The following SRGAP2 variants were observed in gnomAD, a reference collection of about 807,000 sequenced individuals.
SRGAP2 encodes the protein SLIT-ROBO Rho GTPase-activating protein 2.
Under a neutral mutation model 57.2 loss-of-function variants are expected in SRGAP2, and 15 were observed. The ratio of observed to expected loss-of-function variants is 0.26; its 90% CI spans 0.18 to 0.40. The LOEUF is 0.40. Ranked by LOEUF, SRGAP2 falls within the 10% of genes least tolerant of loss-of-function variation. The pLI is 1.00. For missense variants in SRGAP2, 520 were observed against 669.6 expected (o/e 0.78, Z 2.47); for synonymous variants, 249 against 248.0 (o/e 1.00, Z -0.04).
At position 206,464,132 on chromosome 1, in the gene SRGAP2, C is replaced by T. The variant is rs1243213843; in HGVS notation, c.*2712C>T. The T allele has an allele frequency of 3.3e-5, 5 of 152,592 alleles. No individual in the cohort carries two copies. Among genetic ancestry groups the T allele is most frequent in the Admixed American group, 6.5e-5 (1 of 15,280 alleles). 9.5% of individuals were successfully genotyped at this position (152,592 alleles called of 1,614,324 possible). ...ACCTCCTCAGGGCGCCCTGGCTTCT[C>T]CCCAAGGAGATGAGGAGCGGTGATG... On this transcript the variant is annotated 3_prime_UTR_variant, in exon 23 of 23. Coordinates refer to ENST00000573034, the MANE Select transcript of SRGAP2 (RefSeq NM_015326.5).
At chr1:206,233,459 C>T (rs1414444330) in intron 2 of SRGAP2, among the ~76,000 whole-genome samples, 3 of 151,044 alleles carry the variant, frequency 2.0e-5, no homozygotes, top group African/African-American at 4.9e-5. Context: ...GTGGACTAGG[C>T]GACCTCTAGA....
chr1:206,402,087 A>G (rs1658243121), intron 8 of SRGAP2, among the ~76,000 whole-genome samples: 2 of 151,852 alleles, frequency 1.3e-5, no homozygotes, highest in South Asian at 4.2e-4. Flanking sequence ...GCCACATCCT[A>G]GAGGCTTTAG....
intron 3 of SRGAP2, among the ~76,000 whole-genome samples, chr1:206,340,074 G>A (rs1553334747): frequency 1.3e-5 from 2 of 151,688 alleles, no homozygotes. Context: ...GCAGGTGTGA[G>A]CCACACCTTA....
In SRGAP2 at chr1:206,454,015, A is replaced by C. The variant is rs868934247; in HGVS notation, c.2360+635A>C. ...CTGTTGGTTGATTCTCACACTTTGA[A>C]GCAGTTGTCCCGTGGGCCCACCCAA... On this transcript the variant is annotated intron_variant, in intron 20 of 22. Coordinates refer to ENST00000573034, the MANE Select transcript of SRGAP2 (RefSeq NM_015326.5). The surrounding 1 kb of genome is among the most constrained non-coding windows in gnomAD (Gnocchi z 4.3). 20 of 662,102 alleles carry C rather than the reference A, an allele frequency of 3.0e-5. No homozygotes were observed. Among genetic ancestry groups the C allele is most frequent in the African/African-American group, 2.7e-4 (15 of 56,196 alleles). The allele number at this position is 662,102 out of a possible 1,614,324, so 41.0% of individuals were successfully genotyped here. A position where few individuals can be genotyped will look rare whatever the true frequency, so the allele number is the denominator to read the frequency against.
intron 2 of SRGAP2, among the ~76,000 whole-genome samples, chr1:206,268,422 A>G (rs1670009745): frequency 6.6e-6 from 1 of 151,030 alleles, no homozygotes; most frequent in South Asian, 2.1e-4. Context: ...ATCCTTTTTT[A>G]TGGCTGTATA....
chr1:206,412,313 A>G (rs1290210252), intron 10 of SRGAP2, among the ~76,000 whole-genome samples: 2 of 152,268 alleles, frequency 1.3e-5, no homozygotes, highest in Admixed American at 6.5e-5. Context: ...CAAAATGCCC[A>G]ATAGACTCTT....
intron 22 of SRGAP2, among the ~76,000 whole-genome samples, chr1:206,460,007 C>T (rs1454865859): frequency 1.3e-5 from 2 of 152,136 alleles, no homozygotes; most frequent in African/African-American, 4.8e-5. Context: ...CTGTAGAGTG[C>T]GACTGAGGAG....
chr1:206,417,621 T>C (rs1373838671), intron 11 of SRGAP2, among the ~76,000 whole-genome samples: 1 of 151,696 alleles, frequency 6.6e-6, no homozygotes, highest in Non-Finnish European at 1.5e-5. Context: ...GGTTTCACCA[T>C]CTGGGCCAGG....
intron 5 of SRGAP2, among the ~76,000 whole-genome samples, chr1:206,389,895 A>C (rs1378405212): frequency 1.3e-5 from 2 of 151,466 alleles, no homozygotes; most frequent in Non-Finnish European, 2.9e-5. Context: ...GTATATCTTT[A>C]TGTATACATA....
intron 2 of SRGAP2, among the ~76,000 whole-genome samples, chr1:206,295,868 TTTTG>T (rs1305706203): frequency 6.6e-6 from 1 of 152,076 alleles, no homozygotes; most frequent in Non-Finnish European, 1.5e-5. Flanking sequence ...AAAGTGGTTT[TTTTG>T]TTTGTTTCTT....
At chr1:206,426,347 A>G (rs1363688347) in intron 13 of SRGAP2, among the ~76,000 whole-genome samples, 3 of 152,244 alleles carry the variant, frequency 2.0e-5, no homozygotes, top group Non-Finnish European at 4.4e-5. Flanking sequence ...TTGTGTATAT[A>G]TACCACATTT....
intron 2 of SRGAP2, among the ~76,000 whole-genome samples, chr1:206,291,380 C>A (rs1479562640): frequency 2.0e-5 from 3 of 152,168 alleles, no homozygotes; most frequent in African/African-American, 7.2e-5. Context: ...AGGCATGTAG[C>A]AAGCACTTTA....
At chr1:206,229,946 A>ACACACG (rs1336740619) in intron 2 of SRGAP2, among the ~76,000 whole-genome samples, 1 of 151,652 alleles carries the variant, frequency 6.6e-6, no homozygotes, top group Admixed American at 6.6e-5. Flanking sequence ...ACACACACAC[A>ACACACG]CACACACACA....
chr1:206,451,743 C>A (rs1663325258), intron 19 of SRGAP2, among the ~76,000 whole-genome samples: 1 of 152,150 alleles, frequency 6.6e-6, no homozygotes, highest in Non-Finnish European at 1.5e-5. Context: ...ATCTCTTAAT[C>A]TGTAGTGAAA....
intron 15 of SRGAP2, 52 bp downstream of exon 15, chr1:206,437,094 T>C (rs1661830432): frequency 2.6e-6 from 2 of 778,482 alleles, no homozygotes; most frequent in African/African-American, 1.7e-5. Flanking sequence ...CCCCCTGGGG[T>C]ATTGGCTCCA....
chr1:206,409,881 C>G (rs1553358837), intron 10 of SRGAP2, among the ~76,000 whole-genome samples: 1 of 150,560 alleles, frequency 6.6e-6, no homozygotes, highest in Admixed American at 6.6e-5. Flanking sequence ...GGCGGATCAC[C>G]TGAGGTCGGG....
At chr1:206,413,622 G>A (rs1553360312) in intron 10 of SRGAP2, among the ~76,000 whole-genome samples, 1 of 152,190 alleles carries the variant, frequency 6.6e-6, no homozygotes, top group Non-Finnish European at 1.5e-5. Context: ...AACTGCTGAG[G>A]AAGGGTCTAC....
chr1:206,438,146 T>C, intron 16 of SRGAP2, 48 bp downstream of exon 16: 1 of 772,118 alleles, frequency 1.3e-6, no homozygotes, highest in Non-Finnish European at 2.4e-6. Context: ...ACAGCACCGG[T>C]AGCAAGAGAG....
chr1:206,445,352 A>G (rs1371779941), intron 17 of SRGAP2, among the ~76,000 whole-genome samples: 1 of 152,214 alleles, frequency 6.6e-6, no homozygotes, highest in Non-Finnish European at 1.5e-5. Flanking sequence ...CCCAGAATAA[A>G]TAAATACCCG....
Sources: allele counts gnomAD v4.1 joint callset (sites outside exome capture counted in the v4.1 genomes callset), GRCh38; gene constraint gnomAD v4.1.1; non-coding constraint Gnocchi (gnomAD v3.1); transcripts MANE v1.5; gene names NCBI Gene and HGNC (gene_info 2026-07-23, HGNC 2026-07-21).